PWWP3B: variants seen among roughly 807,000 people sequenced by gnomAD.
The protein encoded by PWWP3B is PWWP domain-containing DNA repair factor 3B.
PWWP3B carries 5 observed loss-of-function variants against 15.7 expected under a neutral mutation model. The ratio of observed to expected loss-of-function variants is 0.32; its 90% CI spans 0.17 to 0.67. The LOEUF (loss-of-function observed/expected upper bound fraction) is 0.67, where lower values mean the gene tolerates loss of function less well. Among genes scored for constraint, PWWP3B ranks in the 30% least tolerant of loss-of-function variants. PWWP3B has a pLI of 0.74. For synonymous variants in PWWP3B, 203 were observed against 179.8 expected, an observed-to-expected ratio of 1.13 and a Z score of -1.03; for missense variants, 519 against 493.1, an observed-to-expected ratio of 1.05 and a Z score of -0.50.
Position 106,191,454 on chromosome X carries a change from G to A in PWWP3B, c.-400-12531G>A, listed in dbSNP as rs1398024293. 2.7e-5 allele frequency among the ~76,000 whole-genome samples: 3 copies of A among 111,407 alleles called. No individual in the cohort carries two copies. The East Asian group carries it at 8.4e-4, about 31-fold the overall frequency. On this transcript the variant is annotated intron_variant, in intron 2 of 3. Coordinates refer to ENST00000357175, the MANE Select transcript of PWWP3B (RefSeq NM_001171020.2). ...GGAGATTTTGGGCTGAGACGATGGGGTTTTCTAGATATACAATCATGTCAT... is the reference window on the plus strand; with the variant it reads ...GGAGATTTTGGGCTGAGACGATGGGATTTTCTAGATATACAATCATGTCAT...
chrX:106,185,783 C>T (rs1922472316), intron 2 of PWWP3B, among the ~76,000 whole-genome samples: 1 of 111,884 alleles, frequency 8.9e-6, no homozygotes, highest in Non-Finnish European at 1.9e-5. Context: ...GAAGGGATCT[C>T]CAGGGTTAGA....
intron 2 of PWWP3B, among the ~76,000 whole-genome samples, chrX:106,201,131 G>T (rs1923683631): frequency 9.1e-6 from 1 of 109,535 alleles, no homozygotes; most frequent in Non-Finnish European, 1.9e-5. Flanking sequence ...TGAAATGAGT[G>T]CTTTCCTGGT....
At chrX:106,197,915 T>G (rs1923474178) in intron 2 of PWWP3B, among the ~76,000 whole-genome samples, 1 of 111,837 alleles carries the variant, frequency 8.9e-6, no homozygotes, top group Non-Finnish European at 1.9e-5. Context: ...ATATCCTAAG[T>G]GGAAGTGTAA....
intron 2 of PWWP3B, among the ~76,000 whole-genome samples, chrX:106,202,235 A>G (rs1432966294): frequency 1.8e-5 from 2 of 112,007 alleles, no homozygotes; most frequent in Admixed American, 9.5e-5. Context: ...TTGAGTGAAG[A>G]TACTTGCACA....
intron 2 of PWWP3B, among the ~76,000 whole-genome samples, chrX:106,185,580 C>A (rs1190570441): frequency 3.6e-5 from 4 of 111,692 alleles, no homozygotes; most frequent in African/African-American, 1.3e-4. Context: ...GACACATTCT[C>A]AAAAACCTGC....
chrX:106,198,792 T>G (rs1211015910), intron 2 of PWWP3B, among the ~76,000 whole-genome samples: 1 of 111,218 alleles, frequency 9.0e-6, no homozygotes, highest in Non-Finnish European at 1.9e-5. Context: ...ATGTGCAATC[T>G]AGAAAATATC....
Position 106,206,506 on chromosome X carries a change from A to G in PWWP3B, c.1074A>G (p.Ser358=), listed in dbSNP as rs1369220749. 4 of 1,207,787 alleles carry G rather than the reference A, an allele frequency of 3.3e-6. No individual in the cohort carries two copies. Among genetic ancestry groups the G allele is most frequent in the Non-Finnish European group, 4.5e-6 (4 of 893,826 alleles). ...AAGAAGGTCAAGCCTCTGACAAGTCATTGCTTCCAAGTCGCATTAATCTTT... is the reference window on the plus strand; with the variant it reads ...AAGAAGGTCAAGCCTCTGACAAGTCGTTGCTTCCAAGTCGCATTAATCTTT... ...LEEEGQASDK[S]LLPSRINLSL... is the part of the protein sequence containing the mutation. The change falls in exon 4 of 4, where the codon TCA becomes TCG. Residue 358 remains serine (S), a synonymous_variant. Transcript: ENST00000357175.
intron 2 of PWWP3B, among the ~76,000 whole-genome samples, chrX:106,173,426 CCTAT>C (rs1346771906): frequency 1.8e-5 from 2 of 111,388 alleles, no homozygotes; most frequent in African/African-American, 6.5e-5. Context: ...TCTAACCCCA[CCTAT>C]CTGATACCCA....
chrX:106,195,004 A>G (rs2147622905), intron 2 of PWWP3B, among the ~76,000 whole-genome samples: 1 of 111,642 alleles, frequency 9.0e-6, no homozygotes, highest in African/African-American at 3.3e-5. Context: ...CCACTTGAGG[A>G]GGAAGTCTGC....
In PWWP3B at chrX:106,207,237, A is replaced by T; in HGVS notation, c.1805A>T (p.Asp602Val). The change falls in exon 4 of 4, where the codon GAT becomes GTT. Residue 602 changes from aspartate (D) to valine (V), a missense_variant. By Grantham distance (152) the Asp-to-Val change is radical. Coordinates refer to ENST00000357175, the MANE Select transcript of PWWP3B (RefSeq NM_001171020.2). Reference sequence around the variant, plus strand: ...CCCTGTATTGAAACATACTTTGAGGATGAAGATCAGTTGGATGAAGTGGTG... The same window carrying T: ...CCCTGTATTGAAACATACTTTGAGGTTGAAGATCAGTTGGATGAAGTGGTG... The part of the protein sequence containing the change: ...FTPCIETYFE[D>V]EDQLDEVVKY... 4.1e-6 allele frequency: 5 copies of T among 1,210,673 alleles called. No homozygotes were observed. The highest frequency in any genetic ancestry group is 5.6e-6 in the Non-Finnish European group (5 of 894,811).
At chrX:106,192,645 T>G (rs1460631760) in intron 2 of PWWP3B, among the ~76,000 whole-genome samples, 1 of 111,787 alleles carries the variant, frequency 8.9e-6, no homozygotes, top group Non-Finnish European at 1.9e-5. Context: ...GGTTGTCAAT[T>G]TTAGATCTTT....
chrX:106,190,764 G>T (rs1410452287), intron 2 of PWWP3B, among the ~76,000 whole-genome samples: 4 of 111,646 alleles, frequency 3.6e-5, no homozygotes, highest in Non-Finnish European at 7.5e-5. Flanking sequence ...TCTACATATG[G>T]CTAGCCAGTT....
At chrX:106,193,560 G>A (rs1923153483) in intron 2 of PWWP3B, among the ~76,000 whole-genome samples, 1 of 111,631 alleles carries the variant, frequency 9.0e-6, no homozygotes, top group Admixed American at 9.5e-5. Context: ...ATATTGTTAT[G>A]TGTGAATTTG....
At chrX:106,182,421 G>A (rs919267728) in intron 2 of PWWP3B, among the ~76,000 whole-genome samples, 1 of 111,396 alleles carries the variant, frequency 9.0e-6, no homozygotes. Context: ...AGATTAAAGT[G>A]CAGGTGCCTG....
At chrX:106,199,690 A>T (rs906578838) in intron 2 of PWWP3B, among the ~76,000 whole-genome samples, 10 of 111,091 alleles carry the variant, frequency 9.0e-5, no homozygotes, top group South Asian at 7.6e-4. Flanking sequence ...CTTCACAGCA[A>T]TTTCTGCTTG....
chrX:106,186,727 C>T (rs1364471002), intron 2 of PWWP3B, among the ~76,000 whole-genome samples: 1 of 110,755 alleles, frequency 9.0e-6, no homozygotes, highest in Admixed American at 9.6e-5. Context: ...AACAAAGCTT[C>T]CACAGTGTGG....
chrX:106,178,705 C>T (rs1437860930), intron 2 of PWWP3B, among the ~76,000 whole-genome samples: 1 of 111,737 alleles, frequency 8.9e-6, no homozygotes, highest in African/African-American at 3.3e-5. Context: ...AATGTTTAAA[C>T]CATGAGCTTA....
intron 2 of PWWP3B, among the ~76,000 whole-genome samples, chrX:106,195,742 T>A (rs1923339502): frequency 8.9e-6 from 1 of 111,968 alleles, no homozygotes; most frequent in Admixed American, 9.5e-5. Flanking sequence ...AACTTTTGTA[T>A]TTTTTTCTCA....
At chrX:106,196,415 T>C (rs1198351113) in intron 2 of PWWP3B, among the ~76,000 whole-genome samples, 1 of 112,324 alleles carries the variant, frequency 8.9e-6, no homozygotes, top group Non-Finnish European at 1.9e-5. Flanking sequence ...AATCATAGGC[T>C]TTTTATTTTT....
Sources: allele counts gnomAD v4.1 joint callset (sites outside exome capture counted in the v4.1 genomes callset), GRCh38; gene constraint gnomAD v4.1.1; transcripts MANE v1.5; gene names NCBI Gene and HGNC (gene_info 2026-07-23, HGNC 2026-07-21).